The following CATSPER4 variants were observed in gnomAD, a reference collection of about 807,000 sequenced individuals.
CATSPER4 encodes the protein cation channel sperm associated 4, also known as cation channel sperm-associated protein 4.
Under a neutral mutation model 54.4 loss-of-function variants are expected in CATSPER4, and 46 were observed. That is an observed-to-expected ratio of 0.84 (90% CI 0.67 to 1.08). The LOEUF (loss-of-function observed/expected upper bound fraction) is 1.08. Ranked by LOEUF, CATSPER4 falls within the 50% of genes least tolerant of loss-of-function variation. The pLI is 0.00. For missense variants in CATSPER4, 574 were observed against 612.8 expected, an observed-to-expected ratio of 0.94 and a Z score of 0.67; for synonymous variants, 230 against 231.9, an observed-to-expected ratio of 0.99 and a Z score of 0.08.
intron 4 of CATSPER4, 75 bp downstream of exon 4, chr1:26,197,858 C>G: frequency 1.2e-6 from 2 of 1,607,488 alleles, no homozygotes; most frequent in Non-Finnish European, 1.7e-6. Flanking sequence ...TAACGACCAG[C>G]TGGAGATCAG....
At chr1:26,193,224 CCCATCTACCAATTCAT>C (rs2088892176) in intron 2 of CATSPER4, among the ~76,000 whole-genome samples, 1 of 152,048 alleles carries the variant, frequency 6.6e-6, no homozygotes, top group Non-Finnish European at 1.5e-5. Context: ...ACCCCAGTCA[CCCATCTACCAATTCAT>C]CCATCCAGGG....
In CATSPER4 at chr1:26,200,823, T is replaced by C. The variant is rs1325458968; in HGVS notation, c.988-7T>C. On this transcript the variant is annotated splice_polypyrimidine_tract_variant and splice_region_variant and intron_variant, in intron 7 of 9. Transcript: ENST00000456354. ...GTCCCGACCCCTCTCTATCCCCCGC[T>C]TCCCAGACAGGCGCAGAGGAAGAGG... The C allele has an allele frequency of 6.2e-7, 1 of 1,613,064 alleles. No homozygotes were observed. Among genetic ancestry groups the C allele is most frequent in the East Asian group, 2.2e-5 (1 of 44,860 alleles).
At chr1:26,191,038 T>C (rs903658440) in intron 1 of CATSPER4, among the ~76,000 whole-genome samples, 198 bp downstream of exon 1, 1 of 152,042 alleles carries the variant, frequency 6.6e-6, no homozygotes, top group African/African-American at 2.4e-5. Context: ...ATAACGATCA[T>C]CTTCACTATC....
Position 26,201,362 on chromosome 1 carries a change from A to G in CATSPER4, c.1208A>G (p.Glu403Gly), listed in dbSNP as rs1281725627. The G allele has an allele frequency of 1.2e-6, 2 of 1,614,002 alleles. No individual in the cohort carries two copies. The highest frequency in any genetic ancestry group is 4.5e-5 in the East Asian group (2 of 44,842). Residue 403 changes from glutamate to glycine, a missense_variant, in exon 9 of 10, where the codon GAG becomes GGG. Coordinates refer to ENST00000456354, the MANE Select transcript of CATSPER4 (RefSeq NM_198137.2). ...EIRDELNMIV[E>G]EVRAIRFNQE... ...CACTGCTCCACCCCCAGGATTGTGG[A>G]GGAGGTGCGCGCAATCCGCTTCAAC...
chr1:26,200,777 G>C (rs545571186), intron 7 of CATSPER4, 53 bp from the exon 8 acceptor site: 5 of 1,422,074 alleles, frequency 3.5e-6, no homozygotes, highest in Admixed American at 1.7e-5. Flanking sequence ...AAAGGGTGCC[G>C]GGGGCGTGCC....
chr1:26,202,587 C>T lies in CATSPER4; in HGVS notation c.*45C>T, dbSNP rs370382169. Reference sequence around the variant, plus strand: ...AGGGGCCTGCACACACACACCCAGCCGCTGCGTCTTCCTGTGTCCTTAGTG... The same window carrying T: ...AGGGGCCTGCACACACACACCCAGCTGCTGCGTCTTCCTGTGTCCTTAGTG... On this transcript the variant is annotated 3_prime_UTR_variant, in exon 10 of 10. Coordinates refer to ENST00000456354, the MANE Select transcript of CATSPER4 (RefSeq NM_198137.2). 215 of 1,549,618 alleles carry T rather than the reference C, an allele frequency of 1.4e-4. No homozygotes were observed. Among genetic ancestry groups the T allele is most frequent in the Non-Finnish European group, 1.8e-4 (206 of 1,129,428 alleles).
chr1:26,201,637 T>A (rs1557633193), intron 9 of CATSPER4, 118 bp downstream of exon 9: 3 of 852,288 alleles, frequency 3.5e-6, no homozygotes, highest in South Asian at 1.3e-5. Flanking sequence ...CTGGTCCCCC[T>A]CACCACCACC....
chr1:26,192,578 A>C (rs1351174745), intron 2 of CATSPER4, among the ~76,000 whole-genome samples: 1 of 122,530 alleles, frequency 8.2e-6, no homozygotes, highest in Non-Finnish European at 1.7e-5. Flanking sequence ...CGACAGAGCG[A>C]GACTCTATCT....
chr1:26,201,690 CTTTTTT>C, intron 9 of CATSPER4, 171 bp downstream of exon 9: 7 of 395,764 alleles, frequency 1.8e-5, no homozygotes, highest in Admixed American at 4.2e-5. Flanking sequence ...TCTTTCTTTC[CTTTTTT>C]TTTTTTTTTT....
chr1:26,196,744 T>G (rs2088943227), intron 3 of CATSPER4, among the ~76,000 whole-genome samples: 2 of 151,942 alleles, frequency 1.3e-5, no homozygotes, highest in Admixed American at 1.3e-4. Context: ...CAAATGTAAT[T>G]TTGTACTTCA....
At chr1:26,199,467 C>G (rs1273697972) in intron 6 of CATSPER4, among the ~76,000 whole-genome samples, 3 of 149,946 alleles carry the variant, frequency 2.0e-5, no homozygotes, top group Non-Finnish European at 4.4e-5. Context: ...GGCGTGGTGG[C>G]AAGCACCTGT....
intron 2 of CATSPER4, among the ~76,000 whole-genome samples, chr1:26,192,939 T>C (rs1244095732): frequency 6.6e-6 from 1 of 151,528 alleles, no homozygotes; most frequent in African/African-American, 2.4e-5. Context: ...ACCCCATCTC[T>C]ACAAAAATAC....
chr1:26,198,535 G>A (rs919941527), intron 6 of CATSPER4, 116 bp downstream of exon 6: 5 of 1,353,750 alleles, frequency 3.7e-6, no homozygotes, highest in Non-Finnish European at 5.2e-6. Context: ...CAGTAGAAGT[G>A]GGGGTTCCCA....
chr1:26,191,989 A>T, intron 2 of CATSPER4, among the ~76,000 whole-genome samples: 1 of 152,014 alleles, frequency 6.6e-6, no homozygotes, highest in East Asian at 1.9e-4. Flanking sequence ...CACAACAAAG[A>T]AACAGAAAAA....
intron 6 of CATSPER4, among the ~76,000 whole-genome samples, chr1:26,199,548 G>T (rs1167590087): frequency 2.1e-5 from 3 of 146,194 alleles, no homozygotes; most frequent in Non-Finnish European, 3.0e-5. Flanking sequence ...GCAGTGAGCC[G>T]AGATCACGCC....
intron 6 of CATSPER4, among the ~76,000 whole-genome samples, 167 bp from the exon 7 acceptor site, chr1:26,199,717 A>T (rs2088984130): frequency 6.6e-6 from 1 of 152,152 alleles, no homozygotes; most frequent in African/African-American, 2.4e-5. Context: ...GTAGGTGCTT[A>T]GTAGAGAGCA....
At position 26,202,501 on chromosome 1, in the gene CATSPER4, A is replaced by G. The variant is rs1217503972; in HGVS notation, c.1378A>G (p.Ser460Gly). ...LVSMEKVHDS[S>G]SQILLKKHKS... ...TCTTGGTTTGCAGGTTCATGACTCTAGCTCACAAATACTCCTTAAAAAACA... is the reference window on the plus strand; with the variant it reads ...TCTTGGTTTGCAGGTTCATGACTCTGGCTCACAAATACTCCTTAAAAAACA... Residue 460 changes from serine (S) to glycine (G), a missense_variant, in exon 10 of 10, where the codon AGC (serine) becomes GGC (glycine). Physicochemically the swap from Ser to Gly is moderately conservative, Grantham distance 56 (BLOSUM62 0). Coordinates refer to ENST00000456354, the MANE Select transcript of CATSPER4 (RefSeq NM_198137.2). 1 of 1,611,974 alleles carries G rather than the reference A, an allele frequency of 6.2e-7. No homozygotes were observed. The highest frequency in any genetic ancestry group is 1.1e-5 in the South Asian group (1 of 90,564).
chr1:26,199,692 CT>C (rs2088983881), intron 6 of CATSPER4, among the ~76,000 whole-genome samples, 191 bp from the exon 7 acceptor site: 1 of 152,006 alleles, frequency 6.6e-6, no homozygotes, highest in Non-Finnish European at 1.5e-5. Flanking sequence ...AATCAGCTCA[CT>C]GTCTGGCAGC....
chr1:26,195,836 G>A (rs1213328633), intron 3 of CATSPER4, among the ~76,000 whole-genome samples: 1 of 152,096 alleles, frequency 6.6e-6, no homozygotes, highest in African/African-American at 2.4e-5. Flanking sequence ...AGCTCTTGAG[G>A]GAACTCATTC....
Sources: gnomAD v4.1 joint callset for allele counts (sites outside exome capture counted in the v4.1 genomes callset) on GRCh38, gnomAD v4.1.1 for gene constraint, MANE v1.5 for transcripts, NCBI Gene and HGNC (gene_info 2026-07-23, HGNC 2026-07-21) for gene names.